Variants in IDO2 observed in about 807,000 individuals in gnomAD.
IDO2 encodes indoleamine 2,3-dioxygenase-like 1 protein.
In IDO2, 46 loss-of-function variants were observed where a neutral mutation model predicts 45.1. That is an observed-to-expected ratio of 1.02 (90% confidence interval 0.80 to 1.30). IDO2 has a LOEUF of 1.30. Among genes scored for constraint, IDO2 ranks in the 50% most tolerant of loss-of-function variants. IDO2 has a pLI of 0.00. For missense variants in IDO2, 544 were observed against 491.8 expected, an observed-to-expected ratio of 1.11 and a Z score of -1.00; for synonymous variants, 218 against 184.9, an observed-to-expected ratio of 1.18 and a Z score of -1.45.
At chr8:40,013,140 G>T (rs1458215607) in intron 9 of IDO2, among the ~76,000 whole-genome samples, 1 of 151,894 alleles carries the variant, frequency 6.6e-6, no homozygotes, top group Non-Finnish European at 1.5e-5. Flanking sequence ...TATTTGTGAG[G>T]CTCTTTACTT....
At chr8:39,970,017 T>C (rs1393147408) in intron 3 of IDO2, among the ~76,000 whole-genome samples, 1 of 151,918 alleles carries the variant, frequency 6.6e-6, no homozygotes, top group Non-Finnish European at 1.5e-5. Flanking sequence ...TTGAAGAAAA[T>C]TAAAAGTGCT....
intron 4 of IDO2, among the ~76,000 whole-genome samples, chr8:39,981,758 TG>T (rs1470025070): frequency 6.6e-6 from 1 of 152,122 alleles, no homozygotes; most frequent in Non-Finnish European, 1.5e-5. Flanking sequence ...GCATTCTTAA[TG>T]GATATTTTAT....
chr8:39,962,227 T>A (rs906463860), intron 2 of IDO2, among the ~76,000 whole-genome samples: 1 of 152,312 alleles, frequency 6.6e-6, no homozygotes, highest in African/African-American at 2.4e-5. Context: ...TTTCTTGCCT[T>A]AAGCCCCCAG....
At chr8:39,966,026 C>CTTTT (rs59731560) in intron 3 of IDO2, among the ~76,000 whole-genome samples, 1,457 of 96,502 alleles carry the variant, frequency 0.015, 72 homozygotes, top group African/African-American at 0.046. Flanking sequence ...TCTATCGCTT[C>CTTTT]TTTTTTTTTT....
intron 3 of IDO2, among the ~76,000 whole-genome samples, chr8:39,978,206 C>T (rs377410652): frequency 6.6e-6 from 1 of 152,206 alleles, no homozygotes. Context: ...TCTGTGCCCA[C>T]GTGGCGGTGC....
exon 11 of IDO2, chr8:40,015,905 C>A: frequency 2.8e-6 from 1 of 362,260 alleles, no homozygotes; most frequent in Non-Finnish European, 4.9e-6. Flanking sequence ...AATAGAAAAC[C>A]AATCTAAATG....
intron 7 of IDO2, among the ~76,000 whole-genome samples, chr8:39,989,066 A>T (rs536481360): frequency 6.6e-6 from 1 of 152,246 alleles, no homozygotes; most frequent in East Asian, 1.9e-4. Flanking sequence ...AGTTTAATTG[A>T]CTCATAGTTC....
chr8:40,005,439 G>T, intron 9 of IDO2, 61 bp downstream of exon 9: 1 of 1,112,008 alleles, frequency 9.0e-7, no homozygotes, highest in Admixed American at 2.4e-5. Flanking sequence ...GAATGTATAA[G>T]GGGACGAAGA....
intron 3 of IDO2, among the ~76,000 whole-genome samples, chr8:39,977,049 ATAAT>A (rs1808269532): frequency 6.6e-6 from 1 of 152,206 alleles, no homozygotes; most frequent in Non-Finnish European, 1.5e-5. Context: ...CGTAATAAAA[ATAAT>A]TATATAACAC....
intron 8 of IDO2, among the ~76,000 whole-genome samples, chr8:39,996,073 TA>T (rs59691325): frequency 0.5 from 70,818 of 141,490 alleles, 17,406 homozygotes; most frequent in South Asian, 0.57. Context: ...TACCTAAGAG[TA>T]AAAAAAAAAA....
At chr8:40,004,515 G>A (rs953743653) in intron 8 of IDO2, among the ~76,000 whole-genome samples, 1 of 139,086 alleles carries the variant, frequency 7.2e-6, no homozygotes, top group Non-Finnish European at 1.6e-5. Context: ...AGACAGATTA[G>A]ACAGACAGAT....
intron 8 of IDO2, among the ~76,000 whole-genome samples, chr8:40,003,146 G>A (rs1054778712): frequency 6.6e-6 from 1 of 152,022 alleles, no homozygotes; most frequent in African/African-American, 2.4e-5. Flanking sequence ...AAGGTGGGTG[G>A]ATCACCTGAG....
At chr8:40,008,364 C>T (rs1264076228) in intron 9 of IDO2, among the ~76,000 whole-genome samples, 1 of 152,074 alleles carries the variant, frequency 6.6e-6, no homozygotes, top group Non-Finnish European at 1.5e-5. Context: ...CAATTCTAAT[C>T]CTTCTAGCAC....
chr8:39,964,089 C>A (rs1284850210), intron 3 of IDO2, among the ~76,000 whole-genome samples: 1 of 152,144 alleles, frequency 6.6e-6, no homozygotes, highest in Non-Finnish European at 1.5e-5. Context: ...GGGGGTCTAA[C>A]TTGATTTTGT....
intron 3 of IDO2, among the ~76,000 whole-genome samples, chr8:39,965,005 A>G (rs1407534863): frequency 6.6e-6 from 1 of 152,238 alleles, no homozygotes. Flanking sequence ...GGCAGGTTAG[A>G]ATTCAGTTTG....
intron 2 of IDO2, among the ~76,000 whole-genome samples, chr8:39,949,704 T>C (rs1807786107): frequency 6.6e-6 from 1 of 152,212 alleles, no homozygotes; most frequent in African/African-American, 2.4e-5. Flanking sequence ...CATGACTACA[T>C]GTTTGTAATG....
chr8:39,956,355 C>G (rs540036611), intron 2 of IDO2, among the ~76,000 whole-genome samples: 2 of 152,166 alleles, frequency 1.3e-5, no homozygotes, highest in Admixed American at 1.3e-4. Flanking sequence ...AGCCACCACA[C>G]GCAGCCAATT....
intron 1 of IDO2, among the ~76,000 whole-genome samples, chr8:39,943,873 A>T (rs1192237248): frequency 6.6e-6 from 1 of 152,192 alleles, no homozygotes; most frequent in Non-Finnish European, 1.5e-5. Flanking sequence ...TAGTACTTTA[A>T]GTCCTAGCCA....
chr8:39,974,419 T>C (rs1354304576), intron 3 of IDO2, among the ~76,000 whole-genome samples: 1 of 152,204 alleles, frequency 6.6e-6, no homozygotes, highest in African/African-American at 2.4e-5. Context: ...AACTTAAATG[T>C]CAAAATCAAA....
Sources: gnomAD v4.1 joint callset for allele counts (sites outside exome capture counted in the v4.1 genomes callset) on GRCh38, gnomAD v4.1.1 for gene constraint, MANE v1.5 for transcripts, NCBI Gene and HGNC (gene_info 2026-07-23, HGNC 2026-07-21) for gene names.